Variants in HSD17B13 observed in about 807,000 individuals in gnomAD.
HSD17B13 encodes hydroxysteroid 17-beta dehydrogenase 13.
HSD17B13 carries 26 observed loss-of-function variants against 31.1 expected under a neutral mutation model. The ratio of observed to expected loss-of-function variants is 0.84; its 90% CI spans 0.61 to 1.16. The LOEUF (loss-of-function observed/expected upper bound fraction) is 1.16, where lower values mean the gene tolerates loss of function less well. HSD17B13 is among the 50% of genes most tolerant of loss of function. The pLI, the probability that HSD17B13 is intolerant of heterozygous loss-of-function variation, is 0.00. For missense variants in HSD17B13, 374 were observed against 366.5 expected (o/e 1.02, Z -0.17); for synonymous variants, 141 against 133.7 (o/e 1.05, Z -0.38).
At chr4:87,310,197 A>AAT in intron 6 of HSD17B13, 46 bp downstream of exon 6, 2 of 1,463,450 alleles carry the variant, frequency 1.4e-6, no homozygotes, top group Non-Finnish European at 1.8e-6. Flanking sequence ...CAAAAAAAAA[A>AAT]GCTCTATTGG....
At position 87,315,590 on chromosome 4, in the gene HSD17B13, CT is replaced by C; in HGVS notation, c.459del (p.Ala154HisfsTer6). 6.3e-7 allele frequency: 1 copy of C among 1,596,852 alleles called. No homozygotes were observed. Among genetic ancestry groups the C allele is most frequent in the Non-Finnish European group, 8.6e-7 (1 of 1,166,102 alleles). On this transcript the variant is annotated frameshift_variant, in exon 4 of 7. Coordinates refer to ENST00000328546, the MANE Select transcript of HSD17B13 (RefSeq NM_178135.5). LOFTEE classifies it high-confidence loss of function. ...CTCTCCATCATCGATGGAAGAAGTG[CT>C]TTTGTGATCTTAAGGATCATTGCAG... ...VNILGHFWIT[K>X]ALLPSMMERN... is the part of the protein sequence containing the mutation.
intron 5 of HSD17B13, among the ~76,000 whole-genome samples, chr4:87,313,510 C>G (rs1055605296): frequency 2.0e-5 from 3 of 152,084 alleles, no homozygotes; most frequent in Admixed American, 1.3e-4. Flanking sequence ...GACTAAGGAG[C>G]TAGATACTCA....
chr4:87,316,956 C>A, intron 3 of HSD17B13, 136 bp downstream of exon 3: 1 of 873,982 alleles, frequency 1.1e-6, no homozygotes, highest in South Asian at 1.7e-5. Context: ...CTCTTCTACT[C>A]AAACAAATTT....
chr4:87,308,589 G>A (rs971546730), intron 6 of HSD17B13, among the ~76,000 whole-genome samples: 2 of 145,882 alleles, frequency 1.4e-5, no homozygotes, highest in African/African-American at 5.0e-5. Context: ...GCTGAGGCAG[G>A]AGAATGGCAT....
chr4:87,308,375 C>T (rs1266646534), intron 6 of HSD17B13, among the ~76,000 whole-genome samples: 2 of 150,734 alleles, frequency 1.3e-5, no homozygotes, highest in Non-Finnish European at 3.0e-5. Flanking sequence ...ATAGGCTGGG[C>T]TTGGTGGCTC....
Position 87,305,166 on chromosome 4 carries a change from G to C in HSD17B13, c.*52C>G. ...AAATAAAGCTTTGCAGCATTGATTCGAAACTATTCATATCATTATCATGCA... is the reference window on the plus strand; with the variant it reads ...AAATAAAGCTTTGCAGCATTGATTCCAAACTATTCATATCATTATCATGCA... On this transcript the variant is annotated 3_prime_UTR_variant, in exon 7 of 7. Coordinates refer to ENST00000328546, the MANE Select transcript of HSD17B13 (RefSeq NM_178135.5). 1.7e-6 allele frequency: 2 copies of C among 1,167,556 alleles called. No individual in the cohort carries two copies. Among genetic ancestry groups the C allele is most frequent in the Non-Finnish European group, 2.5e-6 (2 of 816,010 alleles). 72.3% of individuals were successfully genotyped at this position (1,167,556 alleles called of 1,614,324 possible).
rs1734339975 is a variant in HSD17B13, at chr4:87,304,366, T to G, written c.*852A>C. 1 of 153,460 alleles carries G rather than the reference T, an allele frequency of 6.5e-6. No homozygotes were observed. The highest frequency in any genetic ancestry group is 2.4e-5 in the African/African-American group (1 of 41,440). The allele number at this position is 153,460 out of a possible 1,614,324, so 9.5% of individuals were successfully genotyped here. A position where few individuals can be genotyped will look rare whatever the true frequency, so the allele number is the denominator to read the frequency against. On this transcript the variant is annotated 3_prime_UTR_variant, in exon 7 of 7. Transcript: ENST00000328546. ...AAACCAAAAAACCTTTCTTTCTTCCTTTTCTTCTCTTGGGTCCATTGTTTC... is the reference window on the plus strand; with the variant it reads ...AAACCAAAAAACCTTTCTTTCTTCCGTTTCTTCTCTTGGGTCCATTGTTTC...
intron 5 of HSD17B13, among the ~76,000 whole-genome samples, chr4:87,311,523 G>A (rs1277371834): frequency 6.6e-6 from 1 of 152,120 alleles, no homozygotes; most frequent in African/African-American, 2.4e-5. Flanking sequence ...TATGACAACT[G>A]GAGGTATGTC....
At chr4:87,317,563 C>CTTTTTTTTTCTT in intron 2 of HSD17B13, among the ~76,000 whole-genome samples, 1 of 49,748 alleles carries the variant, frequency 2.0e-5, no homozygotes, top group South Asian at 8.8e-4. Context: ...TTTCTTTAAA[C>CTTTTTTTTTCTT]TTTTTTTTTT....
chr4:87,317,012 A>T (rs1734663684), intron 3 of HSD17B13, 80 bp downstream of exon 3: 1 of 1,419,704 alleles, frequency 7.0e-7, no homozygotes, highest in African/African-American at 1.4e-5. Flanking sequence ...TCCTGTCCAG[A>T]AGTATGTGAA....
chr4:87,318,842 A>G (rs548722176), intron 1 of HSD17B13, among the ~76,000 whole-genome samples: 18 of 151,762 alleles, frequency 1.2e-4, no homozygotes, highest in African/African-American at 4.3e-4. Context: ...CAAAATGAAC[A>G]ATTAACATTC....
chr4:87,312,604 A>G (rs1311370248), intron 5 of HSD17B13, among the ~76,000 whole-genome samples: 4 of 125,598 alleles, frequency 3.2e-5, no homozygotes, highest in African/African-American at 1.2e-4. Context: ...ATCTCGGCTC[A>G]CTGCAAGCTC....
chr4:87,307,438 G>T (rs541712914), intron 6 of HSD17B13, among the ~76,000 whole-genome samples: 1 of 152,112 alleles, frequency 6.6e-6, no homozygotes, highest in Admixed American at 6.5e-5. Flanking sequence ...AGAGAGTTGG[G>T]GTTCCATGAA....
intron 3 of HSD17B13, among the ~76,000 whole-genome samples, chr4:87,316,525 T>A (rs1560749658): frequency 6.6e-6 from 1 of 152,144 alleles, no homozygotes; most frequent in East Asian, 1.9e-4. Context: ...ACAAAGGCAG[T>A]TGAAGTTGAT....
chr4:87,322,752 C>A lies in HSD17B13; in HGVS notation c.90G>T (p.Arg30Ser). The change falls in exon 1 of 7, where the codon AGG becomes AGT. Residue 30 changes from arginine to serine, a missense_variant. Transcript: ENST00000328546. ...CAATCTCCCCAGCCACAGATTTTCT[C>A]CTCTGAGGAATGAAAAACTTCACCA... ...ESLVKFFIPQRRKSVAGEIVL... is the reference protein window; with the variant it reads ...ESLVKFFIPQSRKSVAGEIVL... 1 of 1,614,030 alleles carries A rather than the reference C, an allele frequency of 6.2e-7. No homozygotes were observed. Among genetic ancestry groups the A allele is most frequent in the East Asian group, 2.2e-5 (1 of 44,882 alleles).
At chr4:87,310,172 T>TA (rs375641120) in intron 6 of HSD17B13, 71 bp downstream of exon 6, 172,884 of 1,022,052 alleles carry the variant, frequency 0.17, 1,358 homozygotes, top group Non-Finnish European at 0.18. Flanking sequence ...AGACTCTGTC[T>TA]AAAAAAAAAA....
intron 5 of HSD17B13, among the ~76,000 whole-genome samples, chr4:87,311,112 A>G (rs1560747485): frequency 1.3e-5 from 2 of 152,210 alleles, no homozygotes; most frequent in African/African-American, 4.8e-5. Context: ...GCACTATGAC[A>G]GTTTACAAAT....
chr4:87,317,284 C>G, intron 2 of HSD17B13, 61 bp from the exon 3 acceptor site: 1 of 1,527,360 alleles, frequency 6.5e-7, no homozygotes, highest in South Asian at 1.1e-5. Flanking sequence ...GTTTTGGGAC[C>G]AATATAATCC....
chr4:87,318,536 AC>A, intron 1 of HSD17B13, 100 bp from the exon 2 acceptor site: 1 of 914,366 alleles, frequency 1.1e-6, no homozygotes, highest in East Asian at 2.6e-5. Flanking sequence ...GCGGTGGCTC[AC>A]GCCTGTAATC....
Sources: allele counts gnomAD v4.1 joint callset (sites outside exome capture counted in the v4.1 genomes callset), GRCh38; gene constraint gnomAD v4.1.1; transcripts MANE v1.5; gene names NCBI Gene and HGNC (gene_info 2026-07-23, HGNC 2026-07-21).